Variants in RELB observed in about 807,000 individuals in gnomAD.
RELB encodes the protein RELB proto-oncogene, NF-kB subunit.
A neutral mutation model predicts 55.4 loss-of-function variants in RELB; 14 were observed. That is an observed-to-expected ratio of 0.25 (90% CI 0.17 to 0.40). RELB has a LOEUF of 0.40. Ranked by LOEUF, RELB falls within the 10% of genes least tolerant of loss-of-function variation. The pLI, the probability that RELB is intolerant of heterozygous loss-of-function variation, is 1.00. For synonymous variants in RELB, 409 were observed against 371.3 expected (o/e 1.10, Z -1.17); for missense variants, 669 against 830.7 (o/e 0.81, Z 2.39).
chr19:45,016,629 G>C (rs1051905776), intron 4 of RELB, among the ~76,000 whole-genome samples: 3 of 152,060 alleles, frequency 2.0e-5, no homozygotes, highest in Admixed American at 2.0e-4. Context: ...CTCCAGCCTG[G>C]GTGACAGAGT....
At chr19:45,007,190 T>G (rs1293889758) in intron 2 of RELB, among the ~76,000 whole-genome samples, 1 of 151,990 alleles carries the variant, frequency 6.6e-6, no homozygotes, top group Admixed American at 6.6e-5. Context: ...ACATACATAG[T>G]CAATTTCCTG....
In RELB at chr19:45,003,518, A is replaced by G. The variant is rs1160839078; in HGVS notation, c.154+522A>G. On this transcript the variant is annotated intron_variant, in intron 2 of 11. Transcript: ENST00000221452. The stretch of plus-strand genomic sequence containing the variant: ...AAAAAAAGCGTGACAGGTAAATCTT[A>G]CCACCTATCCATGCGCAAAGGCTTC... 8 of 502,296 alleles carry G rather than the reference A, an allele frequency of 1.6e-5. No homozygotes were observed. In the Admixed American group the frequency reaches 1.7e-4, roughly 11 times the overall value. 31.1% of individuals were successfully genotyped at this position (502,296 alleles called of 1,614,324 possible). A position where few individuals can be genotyped will look rare whatever the true frequency, so the allele number is the denominator to read the frequency against.
intron 8 of RELB, 143 bp from the exon 9 acceptor site, chr19:45,032,391 C>T (rs1971634353): frequency 3.1e-6 from 2 of 645,570 alleles, no homozygotes; most frequent in Non-Finnish European, 5.5e-6. Flanking sequence ...TGCACTCCAG[C>T]CTGGGCAACA....
chr19:45,021,952 G>A lies in RELB; in HGVS notation c.505-101G>A, dbSNP rs1971494238. 4 of 1,200,266 alleles carry A rather than the reference G, an allele frequency of 3.3e-6. No homozygotes were observed. The Admixed American group carries it at 1.1e-4, about 32-fold the overall frequency. 74.4% of individuals were successfully genotyped at this position (1,200,266 alleles called of 1,614,324 possible). On this transcript the variant is annotated intron_variant, in intron 4 of 11. Transcript: ENST00000221452. ...GGGGAGCTCCCAACAGAGGACCCTAGTGGGGAGAGGATTGGGGAGCTGCCA... is the reference window on the plus strand; with the variant it reads ...GGGGAGCTCCCAACAGAGGACCCTAATGGGGAGAGGATTGGGGAGCTGCCA...
chr19:45,021,867 G>A lies in RELB; in HGVS notation c.505-186G>A, dbSNP rs151306573. On this transcript the variant is annotated intron_variant, in intron 4 of 11. Coordinates refer to ENST00000221452, the MANE Select transcript of RELB (RefSeq NM_006509.4). ...TGGGATTGCAGGCGTGAGCCACCTC[G>A]CCCGGCCCAAAGTGGTCTTAAGCAA... The A allele has an allele frequency of 3.3e-3, 1,757 of 536,138 alleles. 32 individuals are homozygous for A. The highest frequency in any genetic ancestry group is 0.03 in the African/African-American group (1,550 of 51,252). 33.2% of individuals were successfully genotyped at this position (536,138 alleles called of 1,614,324 possible).
chr19:45,008,657 CA>C, intron 2 of RELB: 1 of 405,080 alleles, frequency 2.5e-6, no homozygotes, highest in South Asian at 1.8e-5. Context: ...TTTCAAGGGG[CA>C]AAGGTCTGGC....
chr19:45,019,071 G>A (rs996196356), intron 4 of RELB, among the ~76,000 whole-genome samples: 2 of 151,950 alleles, frequency 1.3e-5, no homozygotes, highest in Non-Finnish European at 2.9e-5. Context: ...ATACATTTTT[G>A]TTTTGTTTTG....
intron 4 of RELB, among the ~76,000 whole-genome samples, chr19:45,018,159 C>A (rs1239121631): frequency 4.0e-5 from 6 of 151,746 alleles, no homozygotes; most frequent in Non-Finnish European, 5.9e-5. Context: ...AATCCCAGCA[C>A]TTTGGGAGAC....
At chr19:45,026,871 G>C (rs886913131) in intron 7 of RELB, among the ~76,000 whole-genome samples, 3 of 152,180 alleles carry the variant, frequency 2.0e-5, no homozygotes, top group Non-Finnish European at 2.9e-5. Context: ...CCAACCCATA[G>C]TGACTGCTGT....
chr19:45,030,543 A>C (rs1215882835), intron 8 of RELB, among the ~76,000 whole-genome samples: 1 of 151,974 alleles, frequency 6.6e-6, no homozygotes, highest in Non-Finnish European at 1.5e-5. Flanking sequence ...GAGGCACGAG[A>C]ATCACTTGAA....
chr19:45,002,430 G>A (rs1390245463), intron 1 of RELB, among the ~76,000 whole-genome samples: 2 of 152,136 alleles, frequency 1.3e-5, no homozygotes, highest in African/African-American at 4.8e-5. Flanking sequence ...TAGGCTCACT[G>A]CAACCTCTGC....
chr19:45,003,131 C>T lies in RELB; in HGVS notation c.154+135C>T, dbSNP rs1461264507. 4.9e-6 allele frequency: 4 copies of T among 816,932 alleles called. No individual in the cohort carries two copies. In the African/African-American group the frequency reaches 5.2e-5, roughly 11 times the overall value. 50.6% of individuals were successfully genotyped at this position (816,932 alleles called of 1,614,324 possible). ...CCTGACAGGGTGCATCCCTCCCTGC[C>T]AGTTGAGATGGGCCCCCTAGGTTTT... On this transcript the variant is annotated intron_variant, in intron 2 of 11. Transcript: ENST00000221452.
In RELB at chr19:45,033,267, C is replaced by G. The variant is rs34598051; in HGVS notation, c.1207+518C>G. Among the ~76,000 whole-genome samples, 808 of 152,222 alleles carry G rather than the reference C, an allele frequency of 5.3e-3. 5 individuals are homozygous for G. The highest frequency in any genetic ancestry group is 0.019 in the African/African-American group (775 of 41,544). ...AGCTGAGCTGAGGACAGGAGGATGA[C>G]TAAGCAGGGAAGTTTTCTAGGGAAA... On this transcript the variant is annotated intron_variant, in intron 9 of 11. Coordinates refer to ENST00000221452, the MANE Select transcript of RELB (RefSeq NM_006509.4).
At chr19:45,001,932 AAAG>A (rs1457442017) in intron 1 of RELB, among the ~76,000 whole-genome samples, 5 of 150,590 alleles carry the variant, frequency 3.3e-5, no homozygotes, top group South Asian at 4.2e-4. Context: ...ACCCTGAGGC[AAAG>A]AAGGGGGCGT....
intron 2 of RELB, among the ~76,000 whole-genome samples, chr19:45,007,150 G>A (rs1321465553): frequency 6.6e-6 from 1 of 151,962 alleles, no homozygotes; most frequent in Non-Finnish European, 1.5e-5. Flanking sequence ...CATTCAGGCA[G>A]AGACCAGCCT....
intron 11 of RELB, 54 bp from the exon 12 acceptor site, chr19:45,037,351 G>A (rs996446834): frequency 1.4e-6 from 2 of 1,474,660 alleles, no homozygotes; most frequent in South Asian, 2.7e-5. Flanking sequence ...TTTAGGGCCT[G>A]ATCAGAAGTT....
At chr19:45,035,043 C>T (rs1224991419) in intron 11 of RELB, among the ~76,000 whole-genome samples, 1 of 151,670 alleles carries the variant, frequency 6.6e-6, no homozygotes. Context: ...TGTTTTACCA[C>T]ATTGGCCAGG....
At chr19:45,003,725 G>GA (rs1268179172) in intron 2 of RELB, among the ~76,000 whole-genome samples, 2 of 151,574 alleles carry the variant, frequency 1.3e-5, no homozygotes, top group African/African-American at 4.8e-5. Context: ...CTCTTTCAGG[G>GA]AAATTGAGAG....
At chr19:45,022,845 G>A (rs547352145) in intron 5 of RELB, among the ~76,000 whole-genome samples, 1 of 152,184 alleles carries the variant, frequency 6.6e-6, no homozygotes, top group East Asian at 1.9e-4. Context: ...CACCGTGCCG[G>A]CCTTTTCTTT....
Sources: gnomAD v4.1 joint callset for allele counts (sites outside exome capture counted in the v4.1 genomes callset) on GRCh38, gnomAD v4.1.1 for gene constraint, MANE v1.5 for transcripts, NCBI Gene and HGNC (gene_info 2026-07-23, HGNC 2026-07-21) for gene names.